The following ZFAT variants were observed in gnomAD, a reference collection of about 807,000 sequenced individuals.
The protein encoded by ZFAT is zinc finger protein ZFAT.
ZFAT carries 64 observed loss-of-function variants against 117.7 expected under a neutral mutation model. The ratio of observed to expected loss-of-function variants is 0.54; its 90% CI spans 0.44 to 0.67. ZFAT has a LOEUF of 0.67. ZFAT is among the 30% of genes least tolerant of loss of function. The pLI is 0.00. For synonymous variants in ZFAT, 679 were observed against 615.0 expected (o/e 1.10, Z -1.54); for missense variants, 1,433 against 1,584.5 (o/e 0.90, Z 1.62).
chr8:134,752,197 C>A, the ZFAT span, among the ~76,000 whole-genome samples: 1 of 152,184 alleles, frequency 6.6e-6, no homozygotes, highest in Non-Finnish European at 1.5e-5. Context: ...GCCTTGCCCA[C>A]CCCACACTGC....
chr8:134,592,195 G>C (rs1016126550), intron 7 of ZFAT, among the ~76,000 whole-genome samples: 1 of 152,146 alleles, frequency 6.6e-6, no homozygotes, highest in African/African-American at 2.4e-5. Context: ...TGTGTTCCAC[G>C]CCTTGTGTGA....
chr8:134,829,425 T>C, the ZFAT span, among the ~76,000 whole-genome samples: 1 of 152,202 alleles, frequency 6.6e-6, no homozygotes, highest in East Asian at 1.9e-4. Context: ...TAAACCATTA[T>C]AGGTGGCATA....
chr8:134,780,936 C>T, the ZFAT span, among the ~76,000 whole-genome samples: 28 of 152,230 alleles, frequency 1.8e-4, no homozygotes, highest in Middle Eastern at 6.8e-3. Context: ...TATAATTACC[C>T]GCATGAGTGT....
chr8:134,546,079 C>A (rs967967273), intron 11 of ZFAT, among the ~76,000 whole-genome samples: 1 of 152,208 alleles, frequency 6.6e-6, no homozygotes, highest in African/African-American at 2.4e-5. Context: ...ACGACGACAA[C>A]ACTTATTGCA....
chr8:134,549,113 A>G (rs1432145068), intron 11 of ZFAT, among the ~76,000 whole-genome samples: 3 of 152,214 alleles, frequency 2.0e-5, no homozygotes, highest in Non-Finnish European at 2.9e-5. Context: ...GTTCTGGATG[A>G]TGACACAGGC....
chr8:134,744,746 T>C, the ZFAT span, among the ~76,000 whole-genome samples: 1 of 148,990 alleles, frequency 6.7e-6, no homozygotes, highest in African/African-American at 2.5e-5. Flanking sequence ...TTTTTTTTTT[T>C]TGAGACGGAG....
upstream of ZFAT, among the ~76,000 whole-genome samples, chr8:134,717,745 C>T (rs2131380129): frequency 6.6e-6 from 1 of 151,964 alleles, no homozygotes; most frequent in Admixed American, 6.6e-5. Flanking sequence ...GTCACCCAGG[C>T]CAGAGTGCAG....
chr8:134,661,312 T>G (rs1586911016), intron 1 of ZFAT, among the ~76,000 whole-genome samples: 2 of 152,014 alleles, frequency 1.3e-5, no homozygotes, highest in Non-Finnish European at 2.9e-5. Context: ...GGGACAGAGA[T>G]CCCCAGCACA....
chr8:134,545,555 T>C (rs1416466205), intron 11 of ZFAT, among the ~76,000 whole-genome samples: 1 of 152,216 alleles, frequency 6.6e-6, no homozygotes, highest in African/African-American at 2.4e-5. Context: ...GGCAAAACTA[T>C]AATGAAATAA....
At chr8:134,671,981 T>C (rs1189814050) in intron 1 of ZFAT, among the ~76,000 whole-genome samples, 1 of 152,180 alleles carries the variant, frequency 6.6e-6, no homozygotes, top group Non-Finnish European at 1.5e-5. Context: ...GAGAGCCAAA[T>C]CATGAGTGAA....
intron 3 of ZFAT, among the ~76,000 whole-genome samples, chr8:134,613,187 A>G (rs1828466175): frequency 6.6e-6 from 1 of 152,214 alleles, no homozygotes; most frequent in South Asian, 2.1e-4. Flanking sequence ...GTGATATGCC[A>G]GGAACAGATT....
At chr8:134,754,573 G>A in the ZFAT span, among the ~76,000 whole-genome samples, 222 of 152,330 alleles carry the variant, frequency 1.5e-3, 3 homozygotes, top group African/African-American at 4.5e-3. Flanking sequence ...TTAAGACAAC[G>A]TGTGTCTCAA....
chr8:134,792,158 A>C, the ZFAT span: 1 of 152,240 alleles, frequency 6.6e-6, no homozygotes, highest in Non-Finnish European at 1.5e-5. Context: ...TCTCATAGGT[A>C]ATGAAGCTTC....
intron 2 of ZFAT, among the ~76,000 whole-genome samples, chr8:134,647,202 A>C (rs961708923): frequency 6.6e-6 from 1 of 152,238 alleles, no homozygotes; most frequent in Non-Finnish European, 1.5e-5. Flanking sequence ...TCTAAGATGC[A>C]AGGCTGGTTC....
chr8:134,776,921 T>G, the ZFAT span, among the ~76,000 whole-genome samples: 1 of 152,150 alleles, frequency 6.6e-6, no homozygotes, highest in Non-Finnish European at 1.5e-5. Context: ...AAAGATAAAC[T>G]TTTCTCAAGA....
At chr8:134,622,351 A>C (rs1457738555) in intron 3 of ZFAT, among the ~76,000 whole-genome samples, 1 of 152,210 alleles carries the variant, frequency 6.6e-6, no homozygotes, top group African/African-American at 2.4e-5. Flanking sequence ...TTTGGAAAAG[A>C]CAGCATTTGA....
chr8:134,493,988 CTT>C (rs1818245030), intron 15 of ZFAT, among the ~76,000 whole-genome samples: 2 of 152,226 alleles, frequency 1.3e-5, no homozygotes, highest in East Asian at 3.8e-4. Context: ...TCACAAATAT[CTT>C]TTGATATTTA....
the ZFAT span, among the ~76,000 whole-genome samples, chr8:134,728,793 G>A: frequency 0.02 from 2,976 of 152,266 alleles, 80 homozygotes; most frequent in African/African-American, 0.066. Flanking sequence ...TTGCACACAC[G>A]TATATAAGAA....
chr8:134,832,028 G>A, the ZFAT span, among the ~76,000 whole-genome samples: 15 of 149,916 alleles, frequency 1.0e-4, no homozygotes, highest in African/African-American at 3.4e-4. Context: ...GGCCCGCCGC[G>A]GCCCCCACCC....
Sources: allele counts gnomAD v4.1 joint callset (sites outside exome capture counted in the v4.1 genomes callset), GRCh38; gene constraint gnomAD v4.1.1; transcripts MANE v1.5; gene names NCBI Gene and HGNC (gene_info 2026-07-23, HGNC 2026-07-21).